RELN: variants seen among roughly 807,000 people sequenced by gnomAD.
RELN encodes reelin.
Under a neutral mutation model 427.6 loss-of-function variants are expected in RELN, and 108 were observed. The ratio of observed to expected loss-of-function variants is 0.25; its 90% CI spans 0.22 to 0.30. The LOEUF is 0.30. Ranked by LOEUF, RELN falls within the 10% of genes least tolerant of loss-of-function variation. RELN has a pLI of 1.00. For missense variants in RELN, 3,715 were observed against 4,302.8 expected (o/e 0.86, Z 3.82); for synonymous variants, 1,524 against 1,513.4 (o/e 1.01, Z -0.16).
At chr7:103,542,539 A>T (rs1237232266) in intron 43 of RELN, among the ~76,000 whole-genome samples, 192 bp downstream of exon 43, 1 of 152,232 alleles carries the variant, frequency 6.6e-6, no homozygotes, top group Non-Finnish European at 1.5e-5. Flanking sequence ...AAGTTATTGA[A>T]TAATCTCTTT....
chr7:103,555,485 T>C (rs574138285), intron 38 of RELN, among the ~76,000 whole-genome samples: 304 of 152,254 alleles, frequency 2.0e-3, no homozygotes, highest in African/African-American at 7.0e-3. Context: ...ACTCCAAACA[T>C]AGTATGAAGA....
chr7:103,856,569 C>CAAAAAAAAAAAAAAAA, intron 2 of RELN, among the ~76,000 whole-genome samples: 1 of 80,388 alleles, frequency 1.2e-5, no homozygotes, highest in Non-Finnish European at 2.4e-5. Context: ...AACTCCACCT[C>CAAAAAAAAAAAAAAAA]AAAAAAAAAA....
chr7:103,940,361 T>C (rs1796086124), intron 1 of RELN, among the ~76,000 whole-genome samples: 1 of 152,258 alleles, frequency 6.6e-6, no homozygotes, highest in South Asian at 2.1e-4. Flanking sequence ...TCCGTTATTA[T>C]GAATAATTGA....
At chr7:103,556,678 A>G (rs370612541) in intron 38 of RELN, among the ~76,000 whole-genome samples, 1 of 151,856 alleles carries the variant, frequency 6.6e-6, no homozygotes, top group South Asian at 2.1e-4. Context: ...CATCTTCCTT[A>G]TTTTCTCTTG....
At chr7:103,684,285 T>C (rs1345858519) in intron 10 of RELN, among the ~76,000 whole-genome samples, 1 of 152,164 alleles carries the variant, frequency 6.6e-6, no homozygotes, top group Non-Finnish European at 1.5e-5. Flanking sequence ...TGTTTTAGGA[T>C]TGGGCACAGC....
intron 1 of RELN, among the ~76,000 whole-genome samples, chr7:103,987,734 T>C (rs1797132924): frequency 6.6e-6 from 1 of 152,168 alleles, no homozygotes; most frequent in South Asian, 2.1e-4. Flanking sequence ...AAGCACTAGA[T>C]TGTTCTTGGG....
Position 103,489,864 on chromosome 7 carries a change from T to A in RELN, c.9641A>T (p.Glu3214Val). The A allele has an allele frequency of 6.2e-7, 1 of 1,614,148 alleles. No homozygotes were observed. Among genetic ancestry groups the A allele is most frequent in the Non-Finnish European group, 8.5e-7 (1 of 1,180,022 alleles). ...TQFRWIQKGE[E>V]TEKQSWAIDH... ...AATTGCCCAGCTTTGCTTCTCAGTT[T>A]CTTCTCCCTTCTGGATCCAGCGGAA... is the stretch of plus-strand genomic sequence containing the variant. Residue 3214 changes from glutamate to valine, a missense_variant, in exon 60 of 65, where the codon GAA becomes GTA. This residue lies in a region of RELN where 1,310 missense variants were observed against 1,643.0 expected (regional missense o/e 0.80). Coordinates refer to ENST00000428762, the MANE Select transcript of RELN (RefSeq NM_005045.4).
chr7:103,563,966 T>A lies in RELN; in HGVS notation c.5210+1312A>T, dbSNP rs936771867. Among the ~76,000 whole-genome samples, 2 of 152,226 alleles carry A rather than the reference T, an allele frequency of 1.3e-5. No individual in the cohort carries two copies. Among genetic ancestry groups the A allele is most frequent in the Non-Finnish European group, 2.9e-5 (2 of 68,040 alleles). ...CATGAAGGTTTATGTAAGTTCACTC[T>A]ATGATGTTCACACAACAATGGAATT... On this transcript the variant is annotated intron_variant, in intron 34 of 64. Transcript: ENST00000428762. This position sits in a 1 kb window ranked among gnomAD's most constrained non-coding sequence, Gnocchi z 4.1.
chr7:103,641,974 A>C (rs1415159624), intron 16 of RELN, among the ~76,000 whole-genome samples: 1 of 152,196 alleles, frequency 6.6e-6, no homozygotes, highest in Admixed American at 6.6e-5. Flanking sequence ...ATTCCAAGTC[A>C]ATGAAAAAAG....
chr7:103,499,522 AC>A (rs1244609415), intron 53 of RELN, among the ~76,000 whole-genome samples: 2 of 152,164 alleles, frequency 1.3e-5, no homozygotes, highest in Non-Finnish European at 2.9e-5. Flanking sequence ...ATACAGAAAA[AC>A]CTATATTTTT....
At chr7:103,720,534 A>T (rs1163047988) in intron 8 of RELN, among the ~76,000 whole-genome samples, 1 of 152,146 alleles carries the variant, frequency 6.6e-6, no homozygotes, top group African/African-American at 2.4e-5. Context: ...TGACACTAAA[A>T]CTAACTGGAC....
intron 40 of RELN, among the ~76,000 whole-genome samples, chr7:103,551,748 A>G (rs1255794731): frequency 6.6e-6 from 1 of 152,204 alleles, no homozygotes; most frequent in Non-Finnish European, 1.5e-5. Context: ...TGCAATGAAT[A>G]TTCAATATCA....
intron 7 of RELN, among the ~76,000 whole-genome samples, chr7:103,724,263 A>T (rs1790148705): frequency 6.6e-6 from 1 of 151,960 alleles, no homozygotes; most frequent in Non-Finnish European, 1.5e-5. Context: ...CTTTAGACAT[A>T]TCCTTGCACT....
intron 1 of RELN, among the ~76,000 whole-genome samples, chr7:103,963,903 C>T (rs902534850): frequency 3.3e-5 from 5 of 152,110 alleles, no homozygotes; most frequent in African/African-American, 1.2e-4. Flanking sequence ...TGGCTCATGT[C>T]TGTAATCCCA....
intron 10 of RELN, among the ~76,000 whole-genome samples, chr7:103,685,185 C>T (rs1038933160): frequency 6.6e-5 from 10 of 152,044 alleles, no homozygotes; most frequent in Admixed American, 2.0e-4. Flanking sequence ...TGTTAAAAAT[C>T]CAAATGAAAC....
chr7:103,804,830 T>C (rs1270828273), intron 3 of RELN, among the ~76,000 whole-genome samples: 1 of 152,146 alleles, frequency 6.6e-6, no homozygotes, highest in Non-Finnish European at 1.5e-5. Flanking sequence ...TTTTGCAATG[T>C]ATTTTCTCTC....
chr7:103,652,817 A>T, intron 13 of RELN, 58 bp from the exon 14 acceptor site: 1 of 1,505,488 alleles, frequency 6.6e-7, no homozygotes, highest in Non-Finnish European at 9.2e-7. Flanking sequence ...GTCCATGTAA[A>T]TTCTCCTAGA....
intron 27 of RELN, among the ~76,000 whole-genome samples, chr7:103,592,798 T>C (rs960415448): frequency 6.6e-6 from 1 of 152,224 alleles, no homozygotes; most frequent in African/African-American, 2.4e-5. Context: ...ATTATTTTGT[T>C]ACTACTTTAG....
At chr7:103,618,858 A>G (rs2117307681) in intron 20 of RELN, among the ~76,000 whole-genome samples, 1 of 152,292 alleles carries the variant, frequency 6.6e-6, no homozygotes, top group African/African-American at 2.4e-5. Context: ...CACACCTGTA[A>G]TCCCAGCACT....
Sources: allele counts gnomAD v4.1 joint callset (sites outside exome capture counted in the v4.1 genomes callset), GRCh38; gene constraint gnomAD v4.1.1; regional missense constraint gnomAD v4.1.1; non-coding constraint Gnocchi (gnomAD v3.1); transcripts MANE v1.5; gene names NCBI Gene and HGNC (gene_info 2026-07-23, HGNC 2026-07-21).